The following UBR2 variants were observed in gnomAD, a reference collection of about 807,000 sequenced individuals.
UBR2 encodes E3 ubiquitin-protein ligase UBR2.
Under a neutral mutation model 247.9 loss-of-function variants are expected in UBR2, and 92 were observed. The observed-to-expected ratio is 0.37, with a 90% CI of 0.31 to 0.44. The LOEUF (loss-of-function observed/expected upper bound fraction) is 0.44, where lower values mean the gene tolerates loss of function less well. Ranked by LOEUF, UBR2 falls within the 20% of genes least tolerant of loss-of-function variation. The pLI is 1.00. For missense variants in UBR2, 1,613 were observed against 2,112.6 expected, an observed-to-expected ratio of 0.76 and a Z score of 4.64; for synonymous variants, 672 against 693.5, an observed-to-expected ratio of 0.97 and a Z score of 0.49.
At chr6:42,597,517 G>A (rs1200138584) in intron 4 of UBR2, among the ~76,000 whole-genome samples, 1 of 151,586 alleles carries the variant, frequency 6.6e-6, no homozygotes, top group East Asian at 1.9e-4. Flanking sequence ...GATCACCAAA[G>A]CCAGGGGAGA....
intron 40 of UBR2, among the ~76,000 whole-genome samples, chr6:42,677,122 G>A (rs1048559485): frequency 6.6e-6 from 1 of 152,172 alleles, no homozygotes; most frequent in African/African-American, 2.4e-5. Flanking sequence ...CATTTGCTCA[G>A]GGATCTGGCA....
intron 2 of UBR2, among the ~76,000 whole-genome samples, chr6:42,585,217 C>CT (rs1792176439): frequency 6.6e-6 from 1 of 152,000 alleles, no homozygotes; most frequent in Non-Finnish European, 1.5e-5. Context: ...CATAGTTTTT[C>CT]TTTTTTATTC....
At chr6:42,580,576 G>A (rs1227145644) in intron 2 of UBR2, among the ~76,000 whole-genome samples, 1 of 151,262 alleles carries the variant, frequency 6.6e-6, no homozygotes, top group Non-Finnish European at 1.5e-5. Flanking sequence ...GTCTCATGCT[G>A]TTGCCCAGGC....
At chr6:42,673,985 G>A in intron 37 of UBR2, 98 bp downstream of exon 37, 1 of 1,266,810 alleles carries the variant, frequency 7.9e-7, no homozygotes. Flanking sequence ...TAAATATTTA[G>A]TAGTACTGGT....
intron 11 of UBR2, among the ~76,000 whole-genome samples, chr6:42,629,010 T>C (rs900032517): frequency 6.6e-6 from 1 of 151,374 alleles, no homozygotes. Flanking sequence ...TAATCAGGGG[T>C]TTTTTTGTTT....
intron 2 of UBR2, among the ~76,000 whole-genome samples, chr6:42,587,159 G>A (rs559335287): frequency 2.6e-5 from 4 of 151,890 alleles, no homozygotes; most frequent in South Asian, 2.1e-4. Flanking sequence ...TACAATTTTT[G>A]CTTTAACACA....
intron 30 of UBR2, among the ~76,000 whole-genome samples, chr6:42,661,936 A>G (rs560125074): frequency 6.6e-6 from 1 of 152,238 alleles, no homozygotes; most frequent in African/African-American, 2.4e-5. Context: ...ATTTAAATTC[A>G]TAGTTCTAAT....
chr6:42,657,750 TTGTA>T (rs1474252407), intron 26 of UBR2, among the ~76,000 whole-genome samples: 1 of 152,238 alleles, frequency 6.6e-6, no homozygotes, highest in African/African-American at 2.4e-5. Context: ...TTAGCTGAAT[TTGTA>T]TGTAATTTTG....
chr6:42,640,301 CTTAT>C, intron 16 of UBR2, 31 bp downstream of exon 16: 1 of 1,543,818 alleles, frequency 6.5e-7, no homozygotes, highest in South Asian at 1.2e-5. Flanking sequence ...AAAGTGAATA[CTTAT>C]TTATTATGTT....
chr6:42,586,517 A>C (rs9381198), intron 2 of UBR2, among the ~76,000 whole-genome samples: 42,058 of 121,580 alleles, frequency 0.35, 6,241 homozygotes, highest in Middle Eastern at 0.41. Flanking sequence ...ACCATTTGCT[A>C]TTTGTTTTCA....
chr6:42,639,986 C>T (rs1169914034), intron 15 of UBR2, among the ~76,000 whole-genome samples: 3 of 152,114 alleles, frequency 2.0e-5, no homozygotes, highest in Non-Finnish European at 4.4e-5. Context: ...CAAGATCGCG[C>T]CACTGCACTC....
Position 42,616,038 on chromosome 6 carries a change from G to T in UBR2, c.1130G>T (p.Ser377Ile). Residue 377 changes from serine (S) to isoleucine (I), a missense_variant, in exon 10 of 47, where the codon AGT (serine) becomes ATT (isoleucine). Coordinates refer to ENST00000372901, the MANE Select transcript of UBR2 (RefSeq NM_001363705.2). ...RSVYHQLFMSSLLMDLKYKKL... is the reference protein window; with the variant it reads ...RSVYHQLFMSILLMDLKYKKL... The stretch of plus-strand genomic sequence containing the variant: ...GTATATCATCAGTTGTTCATGAGCA[G>T]TCTGCTTATGGATTTGAAATACAAG... The T allele has an allele frequency of 6.2e-7, 1 of 1,606,470 alleles. No individual in the cohort carries two copies. Among genetic ancestry groups the T allele is most frequent in the Non-Finnish European group, 8.5e-7 (1 of 1,178,322 alleles).
At chr6:42,565,840 G>C (rs1157399668) in intron 1 of UBR2, among the ~76,000 whole-genome samples, 1 of 152,106 alleles carries the variant, frequency 6.6e-6, no homozygotes, top group Non-Finnish European at 1.5e-5. Flanking sequence ...GATTACAGGC[G>C]TGAGCCACTG....
chr6:42,631,891 A>ATATATAGATATATATATATAT (rs752152787), intron 11 of UBR2, among the ~76,000 whole-genome samples: 1 of 114,094 alleles, frequency 8.8e-6, no homozygotes, highest in Non-Finnish European at 1.8e-5. Flanking sequence ...TATATATATA[A>ATATATAGATATATATATATAT]ATACAGGTTC....
At chr6:42,601,875 C>CTTTT (rs534921007) in intron 4 of UBR2, among the ~76,000 whole-genome samples, 1 of 120,082 alleles carries the variant, frequency 8.3e-6, no homozygotes, top group African/African-American at 3.2e-5. Flanking sequence ...TTTTTTTTTT[C>CTTTT]TTTTTTTTTT....
rs746919604 is a variant in UBR2 at position 42,676,145 on chromosome 6, G to A, written c.4341G>A (p.Leu1447=). 4 of 1,613,480 alleles carry A rather than the reference G, an allele frequency of 2.5e-6. No individual in the cohort carries two copies. Among genetic ancestry groups the A allele is most frequent in the Admixed American group, 1.7e-5 (1 of 59,856 alleles). The change falls in exon 39 of 47, where the codon CTG becomes CTA. Residue 1447 remains leucine (L), a synonymous_variant. Coordinates refer to ENST00000372901, the MANE Select transcript of UBR2 (RefSeq NM_001363705.2). ...LGTGDLHIFH[L]VTMAHIIQIL... ...CTGGAGACCTTCACATTTTCCATCT[G>A]GTTACTATGGCACACATCATACAGA...
At position 42,573,774 on chromosome 6, in the gene UBR2, A is replaced by G. The variant is rs765901338; in HGVS notation, c.119A>G (p.Gln40Arg). 20 of 1,604,284 alleles carry G rather than the reference A, an allele frequency of 1.2e-5. No individual in the cohort carries two copies. Among genetic ancestry groups the G allele is most frequent in the Non-Finnish European group, 1.6e-5 (19 of 1,174,232 alleles). The change falls in exon 2 of 47, where the codon CAG becomes CGG. Residue 40 changes from glutamine to arginine, a missense_variant. Physicochemically the swap from Gln to Arg is conservative, Grantham distance 43 (BLOSUM62 1). Transcript: ENST00000372901. ...QATDLTREVY[Q>R]HLAHYVPKIY... Reference sequence around the variant, plus strand: ...ACTGACCTCACTAGAGAAGTGTACCAGCATTTAGCCCACTATGTACCCAAA... The same window carrying G: ...ACTGACCTCACTAGAGAAGTGTACCGGCATTTAGCCCACTATGTACCCAAA...
intron 4 of UBR2, among the ~76,000 whole-genome samples, chr6:42,603,383 A>G (rs1426065405): frequency 6.6e-6 from 1 of 152,196 alleles, no homozygotes; most frequent in African/African-American, 2.4e-5. Context: ...TGATTCAATA[A>G]CTGGGATTGT....
chr6:42,584,723 G>C (rs953872525), intron 2 of UBR2, among the ~76,000 whole-genome samples: 1 of 152,156 alleles, frequency 6.6e-6, no homozygotes, highest in South Asian at 2.1e-4. Flanking sequence ...TTATATAGAA[G>C]TTGTACATGC....
Sources: gnomAD v4.1 joint callset for allele counts (sites outside exome capture counted in the v4.1 genomes callset) on GRCh38, gnomAD v4.1.1 for gene constraint, MANE v1.5 for transcripts, NCBI Gene and HGNC (gene_info 2026-07-23, HGNC 2026-07-21) for gene names.